TBC1D8: variants seen among roughly 807,000 people sequenced by gnomAD.
TBC1D8 encodes BUB2-like protein 1.
Under a neutral mutation model 118.8 loss-of-function variants are expected in TBC1D8, and 65 were observed. That is an observed-to-expected ratio of 0.55 (90% CI 0.45 to 0.67). The LOEUF is 0.67. Ranked by LOEUF, TBC1D8 falls within the 30% of genes least tolerant of loss-of-function variation. The pLI, the probability that TBC1D8 is intolerant of heterozygous loss-of-function variation, is 0.00. For synonymous variants in TBC1D8, 566 were observed against 595.8 expected (o/e 0.95, Z 0.73); for missense variants, 1,376 against 1,471.2 (o/e 0.94, Z 1.06).
chr2:101,017,845 C>G, intron 17 of TBC1D8: 2 of 1,550,556 alleles, frequency 1.3e-6, no homozygotes, highest in Non-Finnish European at 1.7e-6. Context: ...CAGCTACATG[C>G]AATTCCCAAT....
In TBC1D8 at chr2:101,104,562, A is replaced by C. The variant is rs559032932; in HGVS notation, c.128-14198T>G. On this transcript the variant is annotated intron_variant, in intron 1 of 19. Coordinates refer to ENST00000409318, the MANE Select transcript of TBC1D8 (RefSeq NM_001330348.2). ...ATACTTATCGTTGACTAAAAAGCAA[A>C]GGTAGTTCAGTGGAGAAGGACAGTC... 5.9e-5 allele frequency among the ~76,000 whole-genome samples: 9 copies of C among 152,374 alleles called. No individual in the cohort carries two copies. The South Asian group carries it at 1.9e-3, about 32-fold the overall frequency.
At chr2:101,028,618 T>C in intron 12 of TBC1D8, 186 bp from the exon 13 acceptor site, 1 of 791,738 alleles carries the variant, frequency 1.3e-6, no homozygotes, top group East Asian at 2.8e-5. Flanking sequence ...GCTTGTGGAT[T>C]GGGCTCCACA....
intron 2 of TBC1D8, among the ~76,000 whole-genome samples, chr2:101,059,999 G>A (rs1390872875): frequency 6.6e-6 from 1 of 152,170 alleles, no homozygotes; most frequent in African/African-American, 2.4e-5. Context: ...GAAAAGGAAG[G>A]CACCCCCATA....
chr2:101,095,719 T>C (rs2105463128), intron 1 of TBC1D8, among the ~76,000 whole-genome samples: 1 of 152,194 alleles, frequency 6.6e-6, no homozygotes, highest in South Asian at 2.1e-4. Flanking sequence ...AGAAATACCA[T>C]TTGACCCAGC....
chr2:101,132,925 T>C (rs1338956140), intron 1 of TBC1D8, among the ~76,000 whole-genome samples: 7 of 152,016 alleles, frequency 4.6e-5, no homozygotes, highest in Non-Finnish European at 7.4e-5. Context: ...AATATTCTTA[T>C]ATCTGCAATA....
chr2:101,102,378 T>C (rs1676898500), intron 1 of TBC1D8, among the ~76,000 whole-genome samples: 1 of 151,782 alleles, frequency 6.6e-6, no homozygotes, highest in African/African-American at 2.4e-5. Flanking sequence ...TGCTTGAACC[T>C]GGGAGGCAGA....
chr2:101,099,291 T>C (rs775321142), intron 1 of TBC1D8, among the ~76,000 whole-genome samples: 1 of 152,062 alleles, frequency 6.6e-6, no homozygotes, highest in Non-Finnish European at 1.5e-5. Flanking sequence ...ACGCATACCA[T>C]CTACCAAGAC....
chr2:101,147,127 C>T (rs150331419), intron 1 of TBC1D8, among the ~76,000 whole-genome samples: 1 of 152,286 alleles, frequency 6.6e-6, no homozygotes, highest in Non-Finnish European at 1.5e-5. Flanking sequence ...GAGTTCAAGA[C>T]CATGTTGTCG....
chr2:101,128,177 C>T (rs952429186), intron 1 of TBC1D8, among the ~76,000 whole-genome samples: 4 of 152,102 alleles, frequency 2.6e-5, no homozygotes, highest in African/African-American at 9.7e-5. Flanking sequence ...AGAAAAACTA[C>T]CAAATACAGA....
intron 17 of TBC1D8, among the ~76,000 whole-genome samples, chr2:101,020,617 G>C (rs532736764): frequency 4.1e-4 from 62 of 152,230 alleles, no homozygotes; most frequent in Non-Finnish European, 8.1e-4. Context: ...TCACTGGGGA[G>C]AGCGTGCCTA....
At chr2:101,037,510 T>G (rs200930993) in intron 8 of TBC1D8, 22 bp downstream of exon 8, 1 of 1,609,424 alleles carries the variant, frequency 6.2e-7, no homozygotes, top group Non-Finnish European at 8.5e-7. Flanking sequence ...GTGGTCCAGC[T>G]TGGGCACCAG....
chr2:101,046,692 G>C (rs1320924558), intron 5 of TBC1D8, among the ~76,000 whole-genome samples: 1 of 152,078 alleles, frequency 6.6e-6, no homozygotes, highest in African/African-American at 2.4e-5. Context: ...GGGGGGAGGG[G>C]AGGAAAGGGG....
At chr2:101,037,216 G>A (rs1367793041) in intron 8 of TBC1D8, among the ~76,000 whole-genome samples, 3 of 152,224 alleles carry the variant, frequency 2.0e-5, no homozygotes, top group Non-Finnish European at 4.4e-5. Context: ...CTATAACGCG[G>A]GGCACACAGA....
At chr2:101,031,134 C>T (rs914772807) in intron 11 of TBC1D8, among the ~76,000 whole-genome samples, 1 of 152,242 alleles carries the variant, frequency 6.6e-6, no homozygotes, top group Non-Finnish European at 1.5e-5. Flanking sequence ...CAATCATCAA[C>T]AGTGGCTTTG....
At chr2:101,060,272 G>A (rs1682684072) in intron 2 of TBC1D8, among the ~76,000 whole-genome samples, 1 of 152,190 alleles carries the variant, frequency 6.6e-6, no homozygotes, top group African/African-American at 2.4e-5. Context: ...GAAAACAAGG[G>A]TGCCTTCAAG....
chr2:101,118,307 A>G (rs1030109741), intron 1 of TBC1D8, among the ~76,000 whole-genome samples: 1 of 152,178 alleles, frequency 6.6e-6, no homozygotes, highest in Admixed American at 6.5e-5. Context: ...GCCACTGGGC[A>G]AGAGAAAGGA....
chr2:101,040,464 CCTTTT>C, intron 5 of TBC1D8, 79 bp from the exon 6 acceptor site: 1 of 1,390,816 alleles, frequency 7.2e-7, no homozygotes, highest in Non-Finnish European at 9.8e-7. Flanking sequence ...AAATACTTTT[CCTTTT>C]TTGTTTCATT....
intron 15 of TBC1D8, among the ~76,000 whole-genome samples, chr2:101,024,844 ACAGGTGCT>A (rs1680244279): frequency 6.6e-6 from 1 of 152,234 alleles, no homozygotes; most frequent in South Asian, 2.1e-4. Context: ...CAGGAAATGC[ACAGGTGCT>A]CAGTGTCAAG....
At chr2:101,044,999 G>A (rs974803313) in intron 5 of TBC1D8, among the ~76,000 whole-genome samples, 4 of 152,004 alleles carry the variant, frequency 2.6e-5, no homozygotes, top group Non-Finnish European at 2.9e-5. Context: ...TGCCCACCTC[G>A]GCCTCCCAAA....
Sources: gnomAD v4.1 joint callset for allele counts (sites outside exome capture counted in the v4.1 genomes callset) on GRCh38, gnomAD v4.1.1 for gene constraint, MANE v1.5 for transcripts, NCBI Gene and HGNC (gene_info 2026-07-23, HGNC 2026-07-21) for gene names.